Variants in TUBB3 observed in about 807,000 individuals in gnomAD.
The protein encoded by TUBB3 is tubulin beta 3 class III, also known as tubulin beta-3 chain.
A neutral mutation model predicts 37.8 loss-of-function variants in TUBB3; 17 were observed. The ratio of observed to expected loss-of-function variants is 0.45; its 90% CI spans 0.31 to 0.67. TUBB3 has a LOEUF of 0.67. TUBB3 is among the 30% of genes least tolerant of loss of function. TUBB3 has a pLI of 0.07. For synonymous variants in TUBB3, 332 were observed against 278.9 expected (o/e 1.19, Z -1.90); for missense variants, 262 against 657.9 (o/e 0.40, Z 6.58).
Position 89,932,670 on chromosome 16 carries a change from G to A in TUBB3, c.157G>A (p.Glu53Lys), listed in dbSNP as rs2151092013. The change falls in exon 2 of 4, where the codon GAG becomes AAG. Residue 53 changes from glutamate (E) to lysine (K), a missense_variant. Transcript: ENST00000315491. ...GGAGCGGATCAGCGTCTACTACAAC[G>A]AGGCCTCTTGTGAGTGCCTGCCCCA... ...QLERISVYYN[E>K]ASSHKYVPRA... is the part of the protein sequence containing the mutation. 3 of 1,613,796 alleles carry A rather than the reference G, an allele frequency of 1.9e-6. No individual in the cohort carries two copies. Among genetic ancestry groups the A allele is most frequent in the South Asian group, 1.1e-5 (1 of 91,064 alleles).
Position 89,935,687 on chromosome 16 carries a change from G to A in TUBB3, c.1236G>A (p.Glu412=). The change falls in exon 4 of 4, where the codon GAG becomes GAA. Residue 412 remains glutamate (E), a synonymous_variant. Coordinates refer to ENST00000315491, the MANE Select transcript of TUBB3 (RefSeq NM_006086.4). ...ACGAGATGGAGTTCACCGAGGCCGA[G>A]AGCAACATGAACGACCTGGTGTCCG... ...GMDEMEFTEA[E]SNMNDLVSEY... 3.7e-6 allele frequency: 6 copies of A among 1,613,838 alleles called. No homozygotes were observed. The highest frequency in any genetic ancestry group is 1.1e-5 in the South Asian group (1 of 91,072).
intron 1 of TUBB3, among the ~76,000 whole-genome samples, chr16:89,932,364 C>T (rs530836892): frequency 1.2e-3 from 185 of 152,318 alleles, no homozygotes; most frequent in African/African-American, 4.3e-3. Flanking sequence ...TGTGGTCGGC[C>T]TGGACGTGTA....
chr16:89,935,906 T>G lies in TUBB3; in HGVS notation c.*102T>G. On this transcript the variant is annotated 3_prime_UTR_variant, in exon 4 of 4. Coordinates refer to ENST00000315491, the MANE Select transcript of TUBB3 (RefSeq NM_006086.4). ...TTGCTGCCGACACCCTGCTTTCCCC[T>G]CGCCCTAGGGCTCCCTTGCCGCCCT... is the stretch of plus-strand genomic sequence containing the variant. 4 of 1,438,434 alleles carry G rather than the reference T, an allele frequency of 2.8e-6. No individual in the cohort carries two copies. The highest frequency in any genetic ancestry group is 3.7e-6 in the Non-Finnish European group (4 of 1,067,142). The allele number at this position is 1,438,434 out of a possible 1,614,324, so 89.1% of individuals were successfully genotyped here. A position where few individuals can be genotyped will look rare whatever the true frequency, so the allele number is the denominator to read the frequency against.
intron 1 of TUBB3, 68 bp from the exon 2 acceptor site, chr16:89,932,503 C>A: frequency 7.2e-7 from 1 of 1,385,546 alleles, no homozygotes; most frequent in South Asian, 1.2e-5. Context: ...TAAAAGGCTT[C>A]ACAAGGGAAA....
rs757357850 is a variant in TUBB3, at chr16:89,934,952, C to T, written c.501C>T (p.Phe167=). The T allele has an allele frequency of 9.6e-5, 155 of 1,614,096 alleles. No individual in the cohort carries two copies. The highest frequency in any genetic ancestry group is 1.3e-4 in the Non-Finnish European group (152 of 1,180,046). Residue 167 remains phenylalanine (F), a synonymous_variant, in exon 4 of 4, where the codon TTC becomes TTT. Coordinates refer to ENST00000315491, the MANE Select transcript of TUBB3 (RefSeq NM_006086.4). ...ATCCCGACCGCATCATGAACACCTT[C>T]AGCGTCGTGCCCTCACCCAAGGTGT... ...EEYPDRIMNT[F]SVVPSPKVSD...
rs776577691 is a variant in TUBB3, at chr16:89,932,550, C to CG, written c.58-21_58-20insG. 42 of 1,607,956 alleles carry CG rather than the reference C, an allele frequency of 2.6e-5. No homozygotes were observed. The South Asian group carries it at 4.3e-4, about 16-fold the overall frequency. ...GGGCTATGGGCCGGTGCCGACCCCCCCTCTCCCACTTTGTTTGCAGTTCTG... is the reference window on the plus strand; with the variant it reads ...GGGCTATGGGCCGGTGCCGACCCCCCGCTCTCCCACTTTGTTTGCAGTTCTG... On this transcript the variant is annotated intron_variant, in intron 1 of 3. Coordinates refer to ENST00000315491, the MANE Select transcript of TUBB3 (RefSeq NM_006086.4).
intron 1 of TUBB3, among the ~76,000 whole-genome samples, chr16:89,930,953 G>T (rs376194620): frequency 6.6e-6 from 1 of 151,582 alleles, no homozygotes; most frequent in African/African-American, 2.4e-5. Flanking sequence ...TCAGCCTCCC[G>T]AGTAGCTGGG....
intron 1 of TUBB3, among the ~76,000 whole-genome samples, chr16:89,924,207 C>T (rs958042293): frequency 2.0e-5 from 3 of 152,200 alleles, no homozygotes; most frequent in Admixed American, 1.3e-4. Flanking sequence ...TAGCCCACCT[C>T]GCAGATGTTG....
Position 89,932,551 on chromosome 16 carries a change from C to CA in TUBB3, c.58-20_58-19insA, listed in dbSNP as rs1555625357. On this transcript the variant is annotated intron_variant, in intron 1 of 3. Coordinates refer to ENST00000315491, the MANE Select transcript of TUBB3 (RefSeq NM_006086.4). Reference sequence around the variant, plus strand: ...GGCTATGGGCCGGTGCCGACCCCCCCTCTCCCACTTTGTTTGCAGTTCTGG... The same window carrying CA: ...GGCTATGGGCCGGTGCCGACCCCCCCATCTCCCACTTTGTTTGCAGTTCTGG... 1 of 1,609,008 alleles carries CA rather than the reference C, an allele frequency of 6.2e-7. No homozygotes were observed. The highest frequency in any genetic ancestry group is 1.1e-5 in the South Asian group (1 of 90,972).
In TUBB3 at chr16:89,923,470, C is replaced by T; in HGVS notation, c.57+12C>T. The T allele has an allele frequency of 2.7e-6, 4 of 1,473,216 alleles. No homozygotes were observed. Among genetic ancestry groups the T allele is most frequent in the Non-Finnish European group, 2.7e-6 (3 of 1,109,862 alleles). 91.3% of individuals were successfully genotyped at this position (1,473,216 alleles called of 1,614,324 possible). ...AGATCGGGGCCAAGGTGAGGCTGCG[C>T]GCCCCGGCCTGTCCCGGGCCCCGGG... On this transcript the variant is annotated intron_variant, in intron 1 of 3. Coordinates refer to ENST00000315491, the MANE Select transcript of TUBB3 (RefSeq NM_006086.4).
intron 3 of TUBB3, chr16:89,934,433 C>T: frequency 1.7e-6 from 1 of 579,448 alleles, no homozygotes; most frequent in African/African-American, 1.8e-5. Context: ...GGAAGGTATG[C>T]TGGAGCAGGA....
Position 89,933,636 on chromosome 16 carries a change from C to T in TUBB3, c.277+58C>T, listed in dbSNP as rs77681059. On this transcript the variant is annotated intron_variant, in intron 3 of 3. Transcript: ENST00000315491. ...GACCCCATCACAGGCAAGCCCAGGT[C>T]GGTGGACGGGGACGGCTGTGAGAAA... 0.077 allele frequency: 105,216 copies of T among 1,365,774 alleles called. 4,893 individuals are homozygous for T. The highest frequency in any genetic ancestry group is 0.096 in the Non-Finnish European group (91,135 of 953,660). The allele number at this position is 1,365,774 out of a possible 1,614,324, so 84.6% of individuals were successfully genotyped here.
In TUBB3 at chr16:89,935,507, C is replaced by T. The variant is rs201308325; in HGVS notation, c.1056C>T (p.Ala352=). 101 of 1,614,206 alleles carry T rather than the reference C, an allele frequency of 6.3e-5. No homozygotes were observed. Among genetic ancestry groups the T allele is most frequent in the African/African-American group, 6.7e-5 (5 of 75,070 alleles). ...VEWIPNNVKV[A]VCDIPPRGLK... is the part of the protein sequence containing the mutation. ...GGATCCCCAACAACGTGAAGGTGGCCGTGTGTGACATCCCGCCCCGCGGCC... is the reference window on the plus strand; with the variant it reads ...GGATCCCCAACAACGTGAAGGTGGCTGTGTGTGACATCCCGCCCCGCGGCC... The change falls in exon 4 of 4, where the codon GCC becomes GCT. Residue 352 remains alanine (A), a synonymous_variant. Transcript: ENST00000315491.
intron 1 of TUBB3, among the ~76,000 whole-genome samples, chr16:89,927,843 C>T (rs963780037): frequency 6.6e-6 from 1 of 152,226 alleles, no homozygotes; most frequent in African/African-American, 2.4e-5. Context: ...CTGCAGAGGA[C>T]TTCCCATAGA....
chr16:89,929,406 C>T (rs997685657), intron 1 of TUBB3, among the ~76,000 whole-genome samples: 2 of 152,242 alleles, frequency 1.3e-5, no homozygotes, highest in Non-Finnish European at 2.9e-5. Flanking sequence ...GAACGGGCAC[C>T]TCTGATAACA....
chr16:89,931,174 G>A (rs370435488), intron 1 of TUBB3, among the ~76,000 whole-genome samples: 10 of 152,088 alleles, frequency 6.6e-5, no homozygotes, highest in Admixed American at 4.6e-4. Context: ...ATTCCAAAGC[G>A]CATCTTTGTC....
In TUBB3 at chr16:89,935,907, C is replaced by A. The variant is rs2030442464; in HGVS notation, c.*103C>A. On this transcript the variant is annotated 3_prime_UTR_variant, in exon 4 of 4. Transcript: ENST00000315491. ...TGCTGCCGACACCCTGCTTTCCCCT[C>A]GCCCTAGGGCTCCCTTGCCGCCCTC... 4.2e-6 allele frequency: 6 copies of A among 1,419,768 alleles called. No individual in the cohort carries two copies. In the South Asian group the frequency reaches 6.9e-5, roughly 16 times the overall value. 87.9% of individuals were successfully genotyped at this position (1,419,768 alleles called of 1,614,324 possible).
intron 1 of TUBB3, among the ~76,000 whole-genome samples, chr16:89,929,379 G>C (rs2030202141): frequency 6.6e-6 from 1 of 152,062 alleles, no homozygotes; most frequent in South Asian, 2.1e-4. Context: ...GATGACCTCT[G>C]ATAACAGTCT....
At chr16:89,930,979 C>T (rs554250235) in intron 1 of TUBB3, among the ~76,000 whole-genome samples, 14 of 152,262 alleles carry the variant, frequency 9.2e-5, no homozygotes, top group African/African-American at 3.1e-4. Context: ...AGGCACCCGC[C>T]ACCATTCCCG....
Sources: gnomAD v4.1 joint callset for allele counts (sites outside exome capture counted in the v4.1 genomes callset) on GRCh38, gnomAD v4.1.1 for gene constraint, MANE v1.5 for transcripts, NCBI Gene and HGNC (gene_info 2026-07-23, HGNC 2026-07-21) for gene names.